SPON1: variants seen among roughly 807,000 people sequenced by gnomAD.
SPON1 encodes the protein spondin 1, also known as spondin-1.
A neutral mutation model predicts 111.7 loss-of-function variants in SPON1; 52 were observed. That is an observed-to-expected ratio of 0.47 (90% CI 0.37 to 0.59). The LOEUF (loss-of-function observed/expected upper bound fraction) is 0.59. SPON1 is among the 20% of genes least tolerant of loss of function. SPON1 has a pLI of 0.00. For missense variants in SPON1, 957 were observed against 1,068.5 expected, an observed-to-expected ratio of 0.90 and a Z score of 1.46; for synonymous variants, 410 against 395.8, an observed-to-expected ratio of 1.04 and a Z score of -0.43.
At chr11:14,000,257 C>G (rs905534528) in intron 2 of SPON1, among the ~76,000 whole-genome samples, 1 of 152,106 alleles carries the variant, frequency 6.6e-6, no homozygotes, top group East Asian at 1.9e-4. Context: ...CACAAAACTC[C>G]CTCCCTCACT....
Position 14,235,678 on chromosome 11 carries a change from C to CAAAAAAAAAAAAAA in SPON1, c.826-7638_826-7625dup, listed in dbSNP as rs56925967. Among the ~76,000 whole-genome samples, 10 of 71,388 alleles carry CAAAAAAAAAAAAAA rather than the reference C, an allele frequency of 1.4e-4. No individual in the cohort carries two copies. In the East Asian group the frequency reaches 1.9e-3, roughly 13 times the overall value. The allele number at this position is 71,388 out of a possible 152,430, so 46.8% of individuals were successfully genotyped here. A position where few individuals can be genotyped will look rare whatever the true frequency, so the allele number is the denominator to read the frequency against. On this transcript the variant is annotated intron_variant, in intron 6 of 15. Coordinates refer to ENST00000576479, the MANE Select transcript of SPON1 (RefSeq NM_006108.4). ...TAGGCAACAGAGAAAGACCCTGCCT[C>CAAAAAAAAAAAAAA]AAAAAAAAAAAAAAAAAAAAAAAAA...
intron 3 of SPON1, 105 bp from the exon 4 acceptor site, chr11:14,075,240 A>C: frequency 1.3e-6 from 1 of 756,600 alleles, no homozygotes; most frequent in Non-Finnish European, 2.3e-6. Flanking sequence ...AGTTGGGGTG[A>C]CTCACTCAAA....
At chr11:14,231,316 G>T (rs1027236635) in intron 6 of SPON1, among the ~76,000 whole-genome samples, 5 of 151,606 alleles carry the variant, frequency 3.3e-5, no homozygotes, top group Non-Finnish European at 7.4e-5. Flanking sequence ...TGTATTTTTA[G>T]TAGAGACAGG....
chr11:14,157,379 G>A (rs1209154903), intron 6 of SPON1, among the ~76,000 whole-genome samples: 1 of 152,122 alleles, frequency 6.6e-6, no homozygotes, highest in Admixed American at 6.5e-5. Flanking sequence ...TGGCTTTCAT[G>A]ATTTCTGTTG....
chr11:14,116,872 C>T (rs917522910), intron 5 of SPON1, among the ~76,000 whole-genome samples: 4 of 152,102 alleles, frequency 2.6e-5, no homozygotes, highest in Admixed American at 1.3e-4. Context: ...TAGTTTTACT[C>T]TAAGTTCTCT....
chr11:14,199,851 A>G (rs914076429), intron 6 of SPON1, among the ~76,000 whole-genome samples: 5 of 152,226 alleles, frequency 3.3e-5, no homozygotes, highest in Non-Finnish European at 1.5e-5. Context: ...ATGAAGCTCA[A>G]GTTCCTTGGC....
chr11:14,142,000 A>G (rs1847662513), intron 6 of SPON1, among the ~76,000 whole-genome samples: 1 of 152,160 alleles, frequency 6.6e-6, no homozygotes, highest in Non-Finnish European at 1.5e-5. Context: ...CTGAATCAAG[A>G]TTTCCTGAGT....
At chr11:14,092,771 C>T (rs1024235643) in intron 5 of SPON1, among the ~76,000 whole-genome samples, 2 of 152,096 alleles carry the variant, frequency 1.3e-5, no homozygotes, top group African/African-American at 4.8e-5. Flanking sequence ...GTTCTAGAAA[C>T]GCATTTTAAC....
At chr11:14,030,879 T>C (rs1195844659) in intron 2 of SPON1, among the ~76,000 whole-genome samples, 1 of 152,144 alleles carries the variant, frequency 6.6e-6, no homozygotes, top group Non-Finnish European at 1.5e-5. Flanking sequence ...GAAAATAAAT[T>C]GTTCTACAAA....
intron 6 of SPON1, among the ~76,000 whole-genome samples, chr11:14,218,365 G>C (rs782704756): frequency 2.6e-5 from 4 of 152,136 alleles, no homozygotes; most frequent in African/African-American, 4.8e-5. Context: ...AGAATGAATA[G>C]CTCCTCCTGA....
intron 6 of SPON1, among the ~76,000 whole-genome samples, chr11:14,160,617 TTA>T (rs568650888): frequency 0.1 from 3,259 of 31,330 alleles, 722 homozygotes; most frequent in East Asian, 0.32. Flanking sequence ...TTATATATAT[TTA>T]TATATATATT....
chr11:14,147,489 C>T (rs1275148386), intron 6 of SPON1, among the ~76,000 whole-genome samples: 7 of 152,190 alleles, frequency 4.6e-5, no homozygotes, highest in African/African-American at 1.7e-4. Context: ...ACAAACTTGG[C>T]TCACTGCAAC....
At chr11:14,088,275 T>G (rs1849022606) in intron 5 of SPON1, among the ~76,000 whole-genome samples, 1 of 152,234 alleles carries the variant, frequency 6.6e-6, no homozygotes, top group East Asian at 1.9e-4. Context: ...TGCCAGTTTT[T>G]CCTTTCCATG....
chr11:13,979,010 C>A (rs781810612), intron 1 of SPON1, among the ~76,000 whole-genome samples: 2 of 152,208 alleles, frequency 1.3e-5, no homozygotes, highest in Admixed American at 6.5e-5. Context: ...TGATTGTATT[C>A]ATTTCCTAGG....
chr11:14,039,308 G>A (rs1554917013), intron 2 of SPON1, among the ~76,000 whole-genome samples: 3 of 152,166 alleles, frequency 2.0e-5, no homozygotes, highest in African/African-American at 7.2e-5. Flanking sequence ...AATACCAGGA[G>A]AGCAGCATAA....
chr11:14,127,661 T>A (rs1554927126), intron 5 of SPON1, among the ~76,000 whole-genome samples: 2 of 152,262 alleles, frequency 1.3e-5, no homozygotes, highest in East Asian at 3.8e-4. Context: ...TATTAACAGT[T>A]TTCTTTTTGA....
intron 6 of SPON1, among the ~76,000 whole-genome samples, chr11:14,173,322 G>A (rs1294947362): frequency 6.6e-6 from 1 of 152,148 alleles, no homozygotes; most frequent in Non-Finnish European, 1.5e-5. Context: ...CGTAGTTCTA[G>A]TGCCATGGTT....
chr11:14,259,830 G>T lies in SPON1; in HGVS notation c.1831+129G>T. The T allele has an allele frequency of 1.9e-6, 2 of 1,040,484 alleles. No individual in the cohort carries two copies. The highest frequency in any genetic ancestry group is 2.8e-6 in the Non-Finnish European group (2 of 721,766). The allele number at this position is 1,040,484 out of a possible 1,614,324, so 64.5% of individuals were successfully genotyped here. A position where few individuals can be genotyped will look rare whatever the true frequency, so the allele number is the denominator to read the frequency against. The stretch of plus-strand genomic sequence containing the variant: ...AAAGCATGGCCCATGGTCCTTGCTG[G>T]GCACTGCTGGGAGCCAGATGAGAGA... On this transcript the variant is annotated intron_variant, in intron 13 of 15. Transcript: ENST00000576479. This position sits in a 1 kb window ranked among gnomAD's most constrained non-coding sequence, Gnocchi z 5.0.
chr11:14,258,033 A>G (rs1172584010), intron 11 of SPON1, 135 bp downstream of exon 11: 13 of 706,178 alleles, frequency 1.8e-5, no homozygotes, highest in Admixed American at 3.4e-5. Context: ...ACCTTGGGCA[A>G]ACTCCTATCT....
Sources: gnomAD v4.1 joint callset for allele counts (sites outside exome capture counted in the v4.1 genomes callset) on GRCh38, gnomAD v4.1.1 for gene constraint, Gnocchi (gnomAD v3.1) non-coding constraint, MANE v1.5 for transcripts, NCBI Gene and HGNC (gene_info 2026-07-23, HGNC 2026-07-21) for gene names.